The following TRABD2B variants were observed in gnomAD, a reference collection of about 807,000 sequenced individuals.
TRABD2B encodes the protein TraB domain containing 2B, also known as metalloprotease TIKI2.
In TRABD2B, 14 loss-of-function variants were observed where a neutral mutation model predicts 40.1. The observed-to-expected ratio is 0.35, with a 90% confidence interval of 0.23 to 0.55. TRABD2B has a LOEUF of 0.55. TRABD2B is among the 20% of genes least tolerant of loss of function. TRABD2B has a pLI of 0.90. For missense variants in TRABD2B, 541 were observed against 648.6 expected (o/e 0.83, Z 1.80); for synonymous variants, 263 against 277.0 (o/e 0.95, Z 0.50).
intron 2 of TRABD2B, among the ~76,000 whole-genome samples, chr1:47,817,851 GGCCTGGGAGGTCAGCAA>G (rs1012668124): frequency 1.3e-5 from 2 of 152,240 alleles, no homozygotes; most frequent in Non-Finnish European, 2.9e-5. Context: ...CCCAGGAGCA[GGCCTGGGAGGTCAGCAA>G]GCCTGGGAGG....
intron 2 of TRABD2B, among the ~76,000 whole-genome samples, chr1:47,911,178 C>A (rs763185000): frequency 6.6e-6 from 1 of 152,152 alleles, no homozygotes; most frequent in East Asian, 1.9e-4. Flanking sequence ...CTTCTAACAG[C>A]CTTATAGGGT....
At chr1:47,890,573 G>A (rs1644431389) in intron 2 of TRABD2B, among the ~76,000 whole-genome samples, 1 of 152,152 alleles carries the variant, frequency 6.6e-6, no homozygotes, top group South Asian at 2.1e-4. Flanking sequence ...ACTGCTGGGG[G>A]GGCCCAGGTG....
intron 2 of TRABD2B, among the ~76,000 whole-genome samples, chr1:47,830,887 G>A (rs551487529): frequency 9.2e-5 from 14 of 152,296 alleles, no homozygotes; most frequent in Non-Finnish European, 1.5e-4. Flanking sequence ...AGCTGAGCCC[G>A]AAGAATGTTT....
chr1:47,902,558 A>G (rs1644615853), intron 2 of TRABD2B, among the ~76,000 whole-genome samples: 1 of 152,232 alleles, frequency 6.6e-6, no homozygotes, highest in Non-Finnish European at 1.5e-5. Flanking sequence ...GTGCAGTGGC[A>G]CGATCATAGC....
rs897393017 is a variant in TRABD2B, at chr1:47,762,238, T to A, written c.*3664A>T. 1 of 152,072 alleles carries A rather than the reference T, an allele frequency of 6.6e-6. No homozygotes were observed. Among genetic ancestry groups the A allele is most frequent in the East Asian group, 1.9e-4 (1 of 5,174 alleles). 9.4% of individuals were successfully genotyped at this position (152,072 alleles called of 1,614,324 possible). ...CTGGCCAGGCACAGGGTAAGAGACA[T>A]GAGAGACGTGGCTGGTCAGCAGGGT... On this transcript the variant is annotated 3_prime_UTR_variant, in exon 7 of 7. Coordinates refer to ENST00000606738, the MANE Select transcript of TRABD2B (RefSeq NM_001194986.2).
chr1:47,859,149 C>T (rs538723158), intron 2 of TRABD2B, among the ~76,000 whole-genome samples: 45 of 152,338 alleles, frequency 3.0e-4, no homozygotes, highest in Admixed American at 5.2e-4. Flanking sequence ...CCTCTTGAGG[C>T]TGGCATGGTG....
intron 2 of TRABD2B, among the ~76,000 whole-genome samples, chr1:47,828,073 T>G (rs1391900146): frequency 6.6e-6 from 1 of 152,152 alleles, no homozygotes; most frequent in African/African-American, 2.4e-5. Flanking sequence ...GAGCCCTTCC[T>G]TGCAGGCCTG....
intron 2 of TRABD2B, among the ~76,000 whole-genome samples, chr1:47,951,286 A>T (rs1171251546): frequency 1.3e-5 from 2 of 152,242 alleles, no homozygotes; most frequent in African/African-American, 4.8e-5. Flanking sequence ...CAGGGCCACA[A>T]TGCGGGGGAT....
intron 2 of TRABD2B, among the ~76,000 whole-genome samples, chr1:47,840,632 A>C (rs925081112): frequency 1.3e-5 from 2 of 152,186 alleles, no homozygotes; most frequent in African/African-American, 4.8e-5. Context: ...TGTTGATTAC[A>C]TAATCCATAA....
At position 47,808,730 on chromosome 1, in the gene TRABD2B, C is replaced by T. The variant is rs7545721; in HGVS notation, c.667-7111G>A. ...ATAAGGTCCCACATTGAAGAACTAA[C>T]GAGTTAGGATTCAAACTCAGGTCCA... is the stretch of plus-strand genomic sequence containing the variant. On this transcript the variant is annotated intron_variant, in intron 2 of 6. Coordinates refer to ENST00000606738, the MANE Select transcript of TRABD2B (RefSeq NM_001194986.2). 8.0e-3 allele frequency among the ~76,000 whole-genome samples: 1,217 copies of T among 152,256 alleles called. 22 individuals carry two copies. Among genetic ancestry groups the T allele is most frequent in the African/African-American group, 0.028 (1,172 of 41,536 alleles).
chr1:47,966,314 C>A (rs933032088), intron 2 of TRABD2B, among the ~76,000 whole-genome samples: 2 of 152,182 alleles, frequency 1.3e-5, no homozygotes, highest in African/African-American at 4.8e-5. Flanking sequence ...TATGGCCACA[C>A]GGCTGGGCTC....
chr1:47,847,880 A>G (rs1315585456), intron 2 of TRABD2B, among the ~76,000 whole-genome samples: 1 of 152,236 alleles, frequency 6.6e-6, no homozygotes, highest in Non-Finnish European at 1.5e-5. Context: ...GCCTCATTAC[A>G]GCCCTCAGAC....
intron 2 of TRABD2B, among the ~76,000 whole-genome samples, chr1:47,976,750 A>C (rs1307148265): frequency 6.6e-6 from 1 of 152,256 alleles, no homozygotes; most frequent in African/African-American, 2.4e-5. Flanking sequence ...TGCTTGGTAC[A>C]TGAGCAGTAC....
chr1:47,836,898 G>A (rs1645326840), intron 2 of TRABD2B, among the ~76,000 whole-genome samples: 1 of 152,118 alleles, frequency 6.6e-6, no homozygotes, highest in Admixed American at 6.5e-5. Context: ...GGACTTCCTG[G>A]CCTCCAGGAC....
chr1:47,958,022 T>C (rs1197734476), intron 2 of TRABD2B, among the ~76,000 whole-genome samples: 1 of 152,158 alleles, frequency 6.6e-6, no homozygotes, highest in Non-Finnish European at 1.5e-5. Context: ...TGGCAGAAAC[T>C]CTACAAGCCA....
chr1:47,861,740 G>A (rs1643975798), intron 2 of TRABD2B, among the ~76,000 whole-genome samples: 1 of 152,160 alleles, frequency 6.6e-6, no homozygotes, highest in South Asian at 2.1e-4. Flanking sequence ...ACAGAAGCAG[G>A]GGGATATTTC....
intron 2 of TRABD2B, among the ~76,000 whole-genome samples, chr1:47,942,470 C>T (rs917394183): frequency 6.6e-5 from 10 of 152,094 alleles, no homozygotes; most frequent in Admixed American, 1.3e-4. Flanking sequence ...CTACTCCAGA[C>T]CAAGTAGGGT....
intron 2 of TRABD2B, among the ~76,000 whole-genome samples, chr1:47,921,248 T>G (rs756669162): frequency 6.6e-6 from 1 of 152,178 alleles, no homozygotes; most frequent in Non-Finnish European, 1.5e-5. Flanking sequence ...GAATGACCTG[T>G]GAATTTCCAG....
intron 2 of TRABD2B, among the ~76,000 whole-genome samples, chr1:47,970,606 G>C (rs1645667002): frequency 1.3e-5 from 2 of 152,158 alleles, no homozygotes; most frequent in South Asian, 4.1e-4. Context: ...ACCACCCCAG[G>C]CCTCTGTGGC....
Sources: allele counts gnomAD v4.1 joint callset (sites outside exome capture counted in the v4.1 genomes callset), GRCh38; gene constraint gnomAD v4.1.1; transcripts MANE v1.5; gene names NCBI Gene and HGNC (gene_info 2026-07-23, HGNC 2026-07-21).